SH3D19: variants seen among roughly 807,000 people sequenced by gnomAD.
The protein encoded by SH3D19 is SH3 domain containing 19.
A neutral mutation model predicts 112.1 loss-of-function variants in SH3D19; 58 were observed. The observed-to-expected ratio is 0.52, with a 90% confidence interval of 0.42 to 0.64. SH3D19 has a LOEUF of 0.64. Ranked by LOEUF, SH3D19 falls within the 30% of genes least tolerant of loss-of-function variation. SH3D19 has a pLI of 0.00. For synonymous variants in SH3D19, 391 were observed against 448.5 expected (o/e 0.87, Z 1.62); for missense variants, 1,090 against 1,263.4 (o/e 0.86, Z 2.08).
chr4:151,261,848 C>T (rs923759811), intron 1 of SH3D19, among the ~76,000 whole-genome samples: 1 of 152,070 alleles, frequency 6.6e-6, no homozygotes, highest in African/African-American at 2.4e-5. Context: ...TCCCTCCATA[C>T]CTGGGTGGAG....
At chr4:151,311,134 TGTATATATGTATACACACACA>T (rs1173280825) in intron 1 of SH3D19, among the ~76,000 whole-genome samples, 2 of 151,454 alleles carry the variant, frequency 1.3e-5, no homozygotes, top group Non-Finnish European at 2.9e-5. Context: ...CATATATACA[TGTATATATGTATACACACACA>T]GTGGAATTTT....
At chr4:151,250,068 C>T (rs928884892) in intron 1 of SH3D19, among the ~76,000 whole-genome samples, 1 of 152,154 alleles carries the variant, frequency 6.6e-6, no homozygotes, top group Non-Finnish European at 1.5e-5. Context: ...GAATTGGTGC[C>T]ATCTCTTTGG....
At chr4:151,239,522 C>G (rs904065711) in intron 1 of SH3D19, among the ~76,000 whole-genome samples, 2 of 151,916 alleles carry the variant, frequency 1.3e-5, no homozygotes, top group Non-Finnish European at 2.9e-5. Flanking sequence ...AGTGCTACTT[C>G]AGAATTGCAG....
At chr4:151,254,173 T>C (rs1408203073) in intron 1 of SH3D19, among the ~76,000 whole-genome samples, 1 of 151,980 alleles carries the variant, frequency 6.6e-6, no homozygotes, top group Non-Finnish European at 1.5e-5. Context: ...ATCAGGCTTC[T>C]GTAACTGATC....
chr4:151,259,637 G>T (rs113210251), intron 1 of SH3D19: 1 of 152,718 alleles, frequency 6.5e-6, no homozygotes, highest in African/African-American at 2.4e-5. Context: ...TCTGCTTCCC[G>T]TGAGTGCTGG....
chr4:151,257,037 G>A (rs1771979936), intron 1 of SH3D19, among the ~76,000 whole-genome samples: 1 of 151,932 alleles, frequency 6.6e-6, no homozygotes, highest in Admixed American at 6.6e-5. Flanking sequence ...GAGCCTTCCT[G>A]GCCTAATCTA....
At chr4:151,182,853 A>T (rs1432602551) in intron 3 of SH3D19, among the ~76,000 whole-genome samples, 5 of 152,226 alleles carry the variant, frequency 3.3e-5, no homozygotes, top group Non-Finnish European at 1.5e-5. Flanking sequence ...CCAGATTGCC[A>T]TATAGACAAG....
intron 3 of SH3D19, 50 bp downstream of exon 3, chr4:151,187,373 A>T: frequency 9.4e-7 from 1 of 1,060,524 alleles, no homozygotes; most frequent in Non-Finnish European, 1.2e-6. Flanking sequence ...CTAAATCATC[A>T]CTTAAAATTA....
chr4:151,306,647 T>C (rs1728941916), intron 1 of SH3D19, among the ~76,000 whole-genome samples: 1 of 152,212 alleles, frequency 6.6e-6, no homozygotes, highest in East Asian at 1.9e-4. Flanking sequence ...AATTACATTC[T>C]ACAAGGTTTG....
intron 18 of SH3D19, 28 bp downstream of exon 18, chr4:151,128,142 T>C: frequency 6.5e-7 from 1 of 1,549,280 alleles, no homozygotes; most frequent in Non-Finnish European, 8.7e-7. Flanking sequence ...CCGTGAGGAG[T>C]CGCATTCATG....
chr4:151,293,547 G>A (rs377481460), intron 1 of SH3D19, among the ~76,000 whole-genome samples: 5 of 151,946 alleles, frequency 3.3e-5, no homozygotes, highest in African/African-American at 7.2e-5. Flanking sequence ...ACCTGGGTTA[G>A]TAGCATCTGG....
chr4:151,253,545 C>T (rs1329145232), intron 1 of SH3D19, among the ~76,000 whole-genome samples: 1 of 152,142 alleles, frequency 6.6e-6, no homozygotes, highest in Non-Finnish European at 1.5e-5. Flanking sequence ...TTGAGACCAC[C>T]CTGGCTAACA....
At chr4:151,131,013 A>G (rs751096780) in intron 17 of SH3D19, among the ~76,000 whole-genome samples, 4 of 152,086 alleles carry the variant, frequency 2.6e-5, no homozygotes, top group Non-Finnish European at 5.9e-5. Flanking sequence ...CCTAGATGCA[A>G]TTTAATACTA....
chr4:151,264,292 A>G (rs934589858), intron 1 of SH3D19, among the ~76,000 whole-genome samples: 27 of 151,890 alleles, frequency 1.8e-4, no homozygotes, highest in African/African-American at 6.0e-4. Flanking sequence ...TTAGCCGGGC[A>G]TGGTGGTGGG....
In SH3D19 at chr4:151,216,877, CTGTGTGTGTGTGTGTGTGTGTG is replaced by C. The variant is rs34575245; in HGVS notation, c.152+9148_152+9169del. 1.7e-3 allele frequency among the ~76,000 whole-genome samples: 233 copies of C among 140,874 alleles called. 2 individuals carry two copies. The highest frequency in any genetic ancestry group is 5.2e-3 in the African/African-American group (201 of 38,558). 92.4% of individuals were successfully genotyped at this position (140,874 alleles called of 152,430 possible). A position where few individuals can be genotyped will look rare whatever the true frequency, so the allele number is the denominator to read the frequency against. On this transcript the variant is annotated intron_variant, in intron 2 of 19. Transcript: ENST00000604030. ...TTCTGAAAACCACAACAAAACAACA[CTGTGTGTGTGTGTGTGTGTGTG>C]TGTGTGTGTGTGTGTGTGTGTGTGT... is the stretch of plus-strand genomic sequence containing the variant.
At chr4:151,132,742 C>T (rs1750987904) in intron 16 of SH3D19, among the ~76,000 whole-genome samples, 1 of 152,088 alleles carries the variant, frequency 6.6e-6, no homozygotes, top group South Asian at 2.1e-4. Flanking sequence ...CTCAGGCAAT[C>T]CGCCCACCGT....
At chr4:151,139,155 T>A (rs1433725114) in intron 13 of SH3D19, among the ~76,000 whole-genome samples, 1 of 147,082 alleles carries the variant, frequency 6.8e-6, no homozygotes, top group Non-Finnish European at 1.5e-5. Context: ...TACCCACTAT[T>A]TTTTTTTTTC....
intron 1 of SH3D19, chr4:151,266,356 T>A (rs561286805): frequency 2.6e-5 from 4 of 152,210 alleles, no homozygotes; most frequent in Non-Finnish European, 5.9e-5. Flanking sequence ...GAAAAACATG[T>A]TCTGTTATAG....
intron 2 of SH3D19, among the ~76,000 whole-genome samples, chr4:151,201,510 T>C (rs1561332992): frequency 6.6e-6 from 1 of 152,200 alleles, no homozygotes; most frequent in Non-Finnish European, 1.5e-5. Flanking sequence ...AGCCCCTCTA[T>C]TCAAAGAGAT....
Sources: allele counts gnomAD v4.1 joint callset (sites outside exome capture counted in the v4.1 genomes callset), GRCh38; gene constraint gnomAD v4.1.1; transcripts MANE v1.5; gene names NCBI Gene and HGNC (gene_info 2026-07-23, HGNC 2026-07-21).